The following DNAH12 variants were observed in gnomAD, a reference collection of about 807,000 sequenced individuals.
DNAH12 encodes axonemal beta dynein heavy chain 12.
Under a neutral mutation model 371.5 loss-of-function variants are expected in DNAH12, and 285 were observed. That is an observed-to-expected ratio of 0.77 (90% CI 0.70 to 0.85). The LOEUF (loss-of-function observed/expected upper bound fraction) is 0.85. DNAH12 is among the 40% of genes least tolerant of loss of function. The pLI is 0.00. For missense variants in DNAH12, 3,611 were observed against 3,689.4 expected, an observed-to-expected ratio of 0.98 and a Z score of 0.55; for synonymous variants, 1,200 against 1,213.0, an observed-to-expected ratio of 0.99 and a Z score of 0.22.
chr3:57,526,527 C>CTTTT (rs759097908), intron 2 of DNAH12, among the ~76,000 whole-genome samples: 16 of 121,240 alleles, frequency 1.3e-4, no homozygotes, highest in African/African-American at 2.7e-4. Context: ...GTTTCCAGAT[C>CTTTT]TTTTTTTTTT....
At chr3:57,322,192 G>A in intron 65 of DNAH12, 151 bp downstream of exon 65, 3 of 793,498 alleles carry the variant, frequency 3.8e-6, no homozygotes, top group South Asian at 2.5e-5. Flanking sequence ...TGGTGAACAA[G>A]ATAAGTACAA....
chr3:57,387,264 G>T (rs2063514859), intron 45 of DNAH12, 45 bp from the exon 46 acceptor site: 1 of 152,164 alleles, frequency 6.6e-6, no homozygotes, highest in Non-Finnish European at 1.5e-5. Context: ...AAGATGAACA[G>T]TAGTCTCATT....
intron 4 of DNAH12, among the ~76,000 whole-genome samples, chr3:57,516,605 A>G (rs1418732662): frequency 1.3e-5 from 2 of 152,122 alleles, no homozygotes; most frequent in Non-Finnish European, 1.5e-5. Context: ...GTCCTGTCGC[A>G]TTTACATCCA....
At chr3:57,475,741 T>C (rs2066503075) in intron 13 of DNAH12, among the ~76,000 whole-genome samples, 1 of 152,176 alleles carries the variant, frequency 6.6e-6, no homozygotes, top group African/African-American at 2.4e-5. Context: ...GAAAATACCA[T>C]AACTTTCACC....
intron 60 of DNAH12, among the ~76,000 whole-genome samples, chr3:57,346,328 T>C (rs1224553206): frequency 1.3e-5 from 2 of 152,172 alleles, no homozygotes; most frequent in Non-Finnish European, 2.9e-5. Context: ...AAGAGTCTGT[T>C]ACAAAGTACT....
chr3:57,365,847 T>C (rs1005261931), intron 57 of DNAH12, among the ~76,000 whole-genome samples: 98,788 of 148,448 alleles, frequency 0.67, 32,967 homozygotes, highest in Non-Finnish European at 0.74. Context: ...TATTAATATC[T>C]TGTGTGTGTG....
chr3:57,535,874 A>G (rs1247314780), intron 2 of DNAH12, among the ~76,000 whole-genome samples: 1 of 127,284 alleles, frequency 7.9e-6, no homozygotes, highest in Non-Finnish European at 1.6e-5. Context: ...GTCTAGCTCT[A>G]TTGCCCAGCT....
chr3:57,514,397 A>T (rs1220077138), intron 4 of DNAH12, among the ~76,000 whole-genome samples: 1 of 151,792 alleles, frequency 6.6e-6, no homozygotes, highest in African/African-American at 2.4e-5. Flanking sequence ...CTGTCTCAAA[A>T]AAAAAAAAAA....
Position 57,542,639 on chromosome 3 carries a change from T to C in DNAH12, c.170+62A>G, listed in dbSNP as rs1475160739. 4.6e-6 allele frequency: 7 copies of C among 1,509,310 alleles called. No homozygotes were observed. The Admixed American group carries it at 1.5e-4, about 33-fold the overall frequency. 93.5% of individuals were successfully genotyped at this position (1,509,310 alleles called of 1,614,324 possible). On this transcript the variant is annotated intron_variant, in intron 2 of 73. Coordinates refer to ENST00000495027, the MANE Select transcript of DNAH12 (RefSeq NM_001366028.2). ...CCACAGTTAAAACTTTTTAGGAGAA[T>C]ATGAACACTAATCATTTTACTTGAA...
intron 43 of DNAH12, among the ~76,000 whole-genome samples, chr3:57,403,030 T>A (rs1553679523): frequency 1.3e-5 from 2 of 152,198 alleles, no homozygotes; most frequent in African/African-American, 4.8e-5. Flanking sequence ...TGCTCTGTTA[T>A]GTGTCACATG....
At chr3:57,555,472 A>AG in the DNAH12 span, among the ~76,000 whole-genome samples, 1 of 152,094 alleles carries the variant, frequency 6.6e-6, no homozygotes, top group Non-Finnish European at 1.5e-5. Flanking sequence ...CTGGAGTTCG[A>AG]GGGGGCAGTG....
chr3:57,494,327 T>C (rs2067234025), intron 11 of DNAH12, among the ~76,000 whole-genome samples: 2 of 151,498 alleles, frequency 1.3e-5, no homozygotes, highest in African/African-American at 4.9e-5. Flanking sequence ...CCAAGGTGCA[T>C]GGATTATTTG....
At chr3:57,430,155 AAATAGAG>A (rs1354564691) in intron 32 of DNAH12, among the ~76,000 whole-genome samples, 1 of 152,148 alleles carries the variant, frequency 6.6e-6, no homozygotes, top group Non-Finnish European at 1.5e-5. Flanking sequence ...AAAAAATAGA[AAATAGAG>A]AATAGCATGC....
chr3:57,386,397 C>T (rs908364058), intron 47 of DNAH12, 44 bp downstream of exon 47: 1 of 152,176 alleles, frequency 6.6e-6, no homozygotes, highest in Non-Finnish European at 1.5e-5. Context: ...ATTTCTTATA[C>T]TTCTCAGTAT....
intron 11 of DNAH12, among the ~76,000 whole-genome samples, chr3:57,492,832 C>G (rs1434859738): frequency 1.3e-5 from 2 of 152,184 alleles, no homozygotes; most frequent in East Asian, 3.9e-4. Flanking sequence ...TGGTGAAACC[C>G]TGTCTCTACT....
intron 39 of DNAH12, among the ~76,000 whole-genome samples, chr3:57,409,915 A>G (rs1553682478): frequency 1.3e-5 from 2 of 152,174 alleles, no homozygotes; most frequent in African/African-American, 4.8e-5. Context: ...GATTGCTGTC[A>G]AATACAAGCC....
At chr3:57,389,101 C>T (rs36180183) in intron 45 of DNAH12, among the ~76,000 whole-genome samples, 53,530 of 151,846 alleles carry the variant, frequency 0.35, 10,228 homozygotes, top group African/African-American at 0.49. Context: ...CCCACCTTTC[C>T]CATGCACTTC....
chr3:57,499,765 G>A (rs1461524941), intron 11 of DNAH12, among the ~76,000 whole-genome samples: 1 of 146,162 alleles, frequency 6.8e-6, no homozygotes, highest in Non-Finnish European at 1.5e-5. Context: ...TTGAACCCGG[G>A]AGGTTAAGGC....
chr3:57,428,094 A>G (rs925619204), intron 34 of DNAH12, among the ~76,000 whole-genome samples: 1 of 152,030 alleles, frequency 6.6e-6, no homozygotes, highest in East Asian at 1.9e-4. Flanking sequence ...ATGCCCGGCT[A>G]ATTTTTATAT....
Sources: allele counts gnomAD v4.1 joint callset (sites outside exome capture counted in the v4.1 genomes callset), GRCh38; gene constraint gnomAD v4.1.1; transcripts MANE v1.5; gene names NCBI Gene and HGNC (gene_info 2026-07-23, HGNC 2026-07-21).